DENND5A: variants seen among roughly 807,000 people sequenced by gnomAD.
DENND5A encodes DENN domain containing 5A, also known as DENN domain-containing protein 5A.
DENND5A carries 64 observed loss-of-function variants against 140.3 expected under a neutral mutation model. The observed-to-expected ratio is 0.46, with a 90% CI of 0.37 to 0.56. The LOEUF (loss-of-function observed/expected upper bound fraction) is 0.56. Among genes scored for constraint, DENND5A ranks in the 20% least tolerant of loss-of-function variants. The pLI, the probability that DENND5A is intolerant of heterozygous loss-of-function variation, is 0.00. For synonymous variants in DENND5A, 605 were observed against 607.7 expected (o/e 1.00, Z 0.07); for missense variants, 1,292 against 1,593.8 (o/e 0.81, Z 3.22).
intron 1 of DENND5A, among the ~76,000 whole-genome samples, chr11:9,211,788 C>T (rs1849887602): frequency 6.6e-6 from 1 of 151,884 alleles, no homozygotes; most frequent in African/African-American, 2.4e-5. Context: ...AAAAATCAGG[C>T]GGGTGTGGTG....
chr11:9,139,997 C>A, intron 22 of DENND5A, 143 bp from the exon 23 acceptor site: 4 of 989,496 alleles, frequency 4.0e-6, no homozygotes, highest in Non-Finnish European at 5.9e-6. Context: ...CTTTCCCAAA[C>A]AGGGACTGGC....
intron 5 of DENND5A, 41 bp from the exon 6 acceptor site, chr11:9,181,125 A>C (rs749835820): frequency 6.4e-7 from 1 of 1,558,664 alleles, no homozygotes; most frequent in Admixed American, 1.9e-5. Flanking sequence ...ATAACTCCAG[A>C]GCATTACAGG....
chr11:9,236,526 C>T (rs1188714948), intron 1 of DENND5A, among the ~76,000 whole-genome samples: 1 of 151,418 alleles, frequency 6.6e-6, no homozygotes, highest in Non-Finnish European at 1.5e-5. Context: ...GAGCAAAACA[C>T]CACCTCAAAA....
chr11:9,153,714 G>A (rs1371164800), intron 12 of DENND5A, among the ~76,000 whole-genome samples: 3 of 152,214 alleles, frequency 2.0e-5, no homozygotes, highest in African/African-American at 7.2e-5. Flanking sequence ...TTGAAGAAAT[G>A]TGCAGAAAGG....
At chr11:9,231,505 C>G (rs190067454) in intron 1 of DENND5A, among the ~76,000 whole-genome samples, 1 of 152,050 alleles carries the variant, frequency 6.6e-6, no homozygotes, top group African/African-American at 2.4e-5. Context: ...CACCTGAGGT[C>G]GGGAGTTGGA....
At chr11:9,167,196 C>T (rs1489019661) in intron 10 of DENND5A, among the ~76,000 whole-genome samples, 1 of 152,116 alleles carries the variant, frequency 6.6e-6, no homozygotes, top group Non-Finnish European at 1.5e-5. Context: ...TTACCCTAAA[C>T]TTCTCCCTTC....
At chr11:9,148,806 T>C (rs1219594872) in intron 15 of DENND5A, among the ~76,000 whole-genome samples, 1 of 151,870 alleles carries the variant, frequency 6.6e-6, no homozygotes, top group Non-Finnish European at 1.5e-5. Context: ...AGGAGTGGAG[T>C]TTAAAAGACA....
rs115427542 is a variant in DENND5A at position 9,139,669 on chromosome 11, G to T, written c.*2C>A. On this transcript the variant is annotated 3_prime_UTR_variant, in exon 23 of 23. Transcript: ENST00000328194. ...GTCCTGCTGCTGGCTGGTGCTGGGAGGTCAGATGTCGATGCCCTTGACAAG... is the reference window on the plus strand; with the variant it reads ...GTCCTGCTGCTGGCTGGTGCTGGGATGTCAGATGTCGATGCCCTTGACAAG... The T allele has an allele frequency of 6.8e-5, 110 of 1,612,734 alleles. No individual in the cohort carries two copies. The African/African-American group carries it at 1.4e-3, about 21-fold the overall frequency.
chr11:9,184,645 T>C (rs189057998), intron 5 of DENND5A, among the ~76,000 whole-genome samples: 1 of 152,288 alleles, frequency 6.6e-6, no homozygotes, highest in East Asian at 1.9e-4. Flanking sequence ...GCCAACAAAA[T>C]GAGCATAAAA....
At chr11:9,157,560 A>C (rs768121036) in intron 12 of DENND5A, among the ~76,000 whole-genome samples, 2 of 152,050 alleles carry the variant, frequency 1.3e-5, no homozygotes, top group African/African-American at 2.4e-5. Context: ...TTTAGCTCCC[A>C]CTTATAAGTG....
At chr11:9,248,421 T>C (rs1296161529) in intron 1 of DENND5A, among the ~76,000 whole-genome samples, 5 of 151,980 alleles carry the variant, frequency 3.3e-5, no homozygotes, top group African/African-American at 9.6e-5. Context: ...GAAGCTGAGG[T>C]AGGAGGATCC....
intron 8 of DENND5A, among the ~76,000 whole-genome samples, chr11:9,174,617 T>C (rs1848489296): frequency 6.6e-6 from 1 of 151,612 alleles, no homozygotes; most frequent in Non-Finnish European, 1.5e-5. Context: ...AGAGGATCCC[T>C]TCAGCCCACT....
At chr11:9,204,383 T>C in intron 3 of DENND5A, 66 bp from the exon 4 acceptor site, 2 of 1,470,084 alleles carry the variant, frequency 1.4e-6, no homozygotes, top group Admixed American at 1.9e-5. Flanking sequence ...CAGAACACCA[T>C]CACTATTTAT....
Position 9,169,879 on chromosome 11 carries a change from G to C in DENND5A, c.2128C>G (p.Arg710Gly), listed in dbSNP as rs1050152874. ...DRQKQHTEHL[R>G]LDNDQREKYI... The stretch of plus-strand genomic sequence containing the variant: ...ACCTCCCTCTGGTCATTATCTAAAC[G>C]CAGGTGTTCTGTGTGCTGCTTCTGC... The change falls in exon 10 of 23, where the codon CGT becomes GGT. Residue 710 changes from arginine (R) to glycine (G), a missense_variant. By Grantham distance (125) the Arg-to-Gly change is moderately radical. Around this residue, in one of 4 missense-constraint regions of DENND5A, gnomAD observed 199 missense variants for 189.1 expected, o/e 1.05. Coordinates refer to ENST00000328194, the MANE Select transcript of DENND5A (RefSeq NM_015213.4). 2 of 1,612,290 alleles carry C rather than the reference G, an allele frequency of 1.2e-6. No homozygotes were observed. The highest frequency in any genetic ancestry group is 1.3e-5 in the African/African-American group (1 of 74,860).
At chr11:9,198,063 T>C (rs1849392495) in intron 4 of DENND5A, among the ~76,000 whole-genome samples, 1 of 152,174 alleles carries the variant, frequency 6.6e-6, no homozygotes, top group African/African-American at 2.4e-5. Flanking sequence ...TACTGGATTA[T>C]ACAACGTAAC....
intron 1 of DENND5A, among the ~76,000 whole-genome samples, chr11:9,231,052 T>G (rs1186871117): frequency 1.3e-5 from 2 of 152,132 alleles, no homozygotes; most frequent in Non-Finnish European, 2.9e-5. Flanking sequence ...GAGGAATGAA[T>G]GAGTTAACAT....
At chr11:9,264,469 C>G (rs775143916) in intron 1 of DENND5A, among the ~76,000 whole-genome samples, 8 of 152,168 alleles carry the variant, frequency 5.3e-5, no homozygotes, top group Non-Finnish European at 1.2e-4. Context: ...GAGCTGCAAT[C>G]TGACTCAGGG....
At chr11:9,241,483 T>A (rs1468003758) in intron 1 of DENND5A, among the ~76,000 whole-genome samples, 1 of 152,056 alleles carries the variant, frequency 6.6e-6, no homozygotes, top group Non-Finnish European at 1.5e-5. Flanking sequence ...CCCTCTCCCT[T>A]CCTCTCTAAT....
rs1852097366 is a variant in DENND5A at position 9,259,490 on chromosome 11, C to CGGGAGGCGGAGTTTGCA, written c.109+5454_109+5470dup. Among the ~76,000 whole-genome samples, 3 of 152,072 alleles carry CGGGAGGCGGAGTTTGCA rather than the reference C, an allele frequency of 2.0e-5. No individual in the cohort carries two copies. The South Asian group carries it at 6.2e-4, about 32-fold the overall frequency. ...CTGAGGCAGGAGAATGGCGTGAACC[C>CGGGAGGCGGAGTTTGCA]GGGAGGCGGAGTTTGCAGTGAGCCG... On this transcript the variant is annotated intron_variant, in intron 1 of 22. Coordinates refer to ENST00000328194, the MANE Select transcript of DENND5A (RefSeq NM_015213.4).
Sources: gnomAD v4.1 joint callset for allele counts (sites outside exome capture counted in the v4.1 genomes callset) on GRCh38, gnomAD v4.1.1 for gene constraint, gnomAD v4.1.1 regional missense constraint, MANE v1.5 for transcripts, NCBI Gene and HGNC (gene_info 2026-07-23, HGNC 2026-07-21) for gene names.